The following GRIN2D variants were observed in gnomAD, a reference collection of about 807,000 sequenced individuals.
GRIN2D encodes glutamate receptor ionotropic, NMDA 2D.
In GRIN2D, 37 loss-of-function variants were observed where a neutral mutation model predicts 103.2. The observed-to-expected ratio is 0.36, with a 90% confidence interval of 0.28 to 0.47. GRIN2D has a LOEUF of 0.47. GRIN2D is among the 20% of genes least tolerant of loss of function. GRIN2D has a pLI of 1.00. For synonymous variants in GRIN2D, 845 were observed against 885.6 expected, an observed-to-expected ratio of 0.95 and a Z score of 0.81; for missense variants, 1,557 against 1,910.6, an observed-to-expected ratio of 0.81 and a Z score of 3.45.
Position 48,421,964 on chromosome 19 carries a change from CG to C in GRIN2D, c.2252+24del, listed in dbSNP as rs1569066795. 1.9e-6 allele frequency: 3 copies of C among 1,609,928 alleles called. No homozygotes were observed. Among genetic ancestry groups the C allele is most frequent in the African/African-American group, 2.7e-5 (2 of 74,806 alleles). ...AGGCAGGGTCAGCGCAGACTCGGGCCGGGGGTGGGGGTTGGGCCGCTGGGGA... is the reference window on the plus strand; with the variant it reads ...AGGCAGGGTCAGCGCAGACTCGGGCCGGGGTGGGGGTTGGGCCGCTGGGGA... On this transcript the variant is annotated intron_variant, in intron 11 of 13. Coordinates refer to ENST00000263269, the MANE Select transcript of GRIN2D (RefSeq NM_000836.4). The surrounding 1 kb of genome is among the most constrained non-coding windows in gnomAD (Gnocchi z 4.8).
chr19:48,404,987 G>C lies in GRIN2D; in HGVS notation c.719G>C (p.Ser240Thr). The C allele has an allele frequency of 6.2e-7, 1 of 1,612,362 alleles. No homozygotes were observed. The highest frequency in any genetic ancestry group is 8.5e-7 in the Non-Finnish European group (1 of 1,179,602). Reference sequence around the variant, plus strand: ...CTCAGTGCCCAGCTCCGCAGTGTCAGCGCGCAGATCCGCCTGCTCTTCTGC... The same window carrying C: ...CTCAGTGCCCAGCTCCGCAGTGTCACCGCGCAGATCCGCCTGCTCTTCTGC... ...AVLSAQLRSV[S>T]AQIRLLFCAR... The change falls in exon 4 of 14, where the codon AGC becomes ACC. Residue 240 changes from serine to threonine, a missense_variant. Physicochemically the swap from Ser to Thr is moderately conservative, Grantham distance 58. This residue lies in a region of GRIN2D where 490 missense variants were observed against 601.1 expected (regional missense o/e 0.82). Transcript: ENST00000263269.
intron 11 of GRIN2D, among the ~76,000 whole-genome samples, chr19:48,426,199 T>C (rs1051364661): frequency 8.0e-5 from 12 of 150,646 alleles, no homozygotes; most frequent in African/African-American, 3.0e-4. Flanking sequence ...TTTTCTCTTC[T>C]TTCTTTTTCT....
chr19:48,430,444 C>T (rs2147465272), intron 11 of GRIN2D, among the ~76,000 whole-genome samples: 2 of 151,776 alleles, frequency 1.3e-5, no homozygotes, highest in Non-Finnish European at 2.9e-5. Context: ...AGTGATTGGC[C>T]TGCCTCAGCC....
intron 11 of GRIN2D, among the ~76,000 whole-genome samples, chr19:48,426,220 C>CTTTTTTTTTTTTTTTTTTTTTTTTT (rs1253186603): frequency 9.4e-5 from 12 of 127,112 alleles, no homozygotes; most frequent in African/African-American, 3.1e-4. Flanking sequence ...TTCTTTCTTT[C>CTTTTTTTTTTTTTTTTTTTTTTTTT]TTTCTTTTTT....
chr19:48,441,987 G>C, intron 12 of GRIN2D, 31 bp downstream of exon 12: 2 of 1,582,076 alleles, frequency 1.3e-6, no homozygotes, highest in Non-Finnish European at 1.7e-6. Flanking sequence ...TTCCACAGCG[G>C]AGAGGGGGAG....
chr19:48,430,735 T>C (rs924218909), intron 11 of GRIN2D, among the ~76,000 whole-genome samples: 1 of 152,244 alleles, frequency 6.6e-6, no homozygotes, highest in Admixed American at 6.5e-5. Context: ...ACTGTCTAAA[T>C]CTCTTCTTGG....
Position 48,422,341 on chromosome 19 carries a change from G to A in GRIN2D, c.2252+396G>A, listed in dbSNP as rs375297789. 6.4e-4 allele frequency among the ~76,000 whole-genome samples: 98 copies of A among 152,294 alleles called. 2 individuals are homozygous for A. The South Asian group carries it at 0.018, about 28-fold the overall frequency. On this transcript the variant is annotated intron_variant, in intron 11 of 13. Transcript: ENST00000263269. Reference sequence around the variant, plus strand: ...AGAATTATACTAGTAAGCCGGGCACGGTGGCTCATGCCTGTAATCCCAGCA... The same window carrying A: ...AGAATTATACTAGTAAGCCGGGCACAGTGGCTCATGCCTGTAATCCCAGCA...
intron 11 of GRIN2D, among the ~76,000 whole-genome samples, chr19:48,430,407 C>T (rs1030232991): frequency 1.3e-5 from 2 of 152,182 alleles, no homozygotes; most frequent in African/African-American, 4.8e-5. Flanking sequence ...CCATGTTGGC[C>T]AGGCTGGTCT....
intron 3 of GRIN2D, among the ~76,000 whole-genome samples, chr19:48,401,047 C>T (rs776083592): frequency 4.0e-5 from 6 of 150,054 alleles, no homozygotes; most frequent in Non-Finnish European, 7.4e-5. Context: ...CTTGCCACTG[C>T]ACTCCAGCCT....
chr19:48,442,444 C>G lies in GRIN2D; in HGVS notation c.2673+62C>G, dbSNP rs1971308946. 1.3e-5 allele frequency: 21 copies of G among 1,557,128 alleles called. No individual in the cohort carries two copies. Among genetic ancestry groups the G allele is most frequent in the Non-Finnish European group, 1.7e-5 (20 of 1,145,204 alleles). ...GCAGGGGCGGGGACAAAGGTAAAGCCGAGCAGAGACAAGGAGATGTGGGTC... is the reference window on the plus strand; with the variant it reads ...GCAGGGGCGGGGACAAAGGTAAAGCGGAGCAGAGACAAGGAGATGTGGGTC... On this transcript the variant is annotated intron_variant, in intron 13 of 13. Coordinates refer to ENST00000263269, the MANE Select transcript of GRIN2D (RefSeq NM_000836.4). The surrounding 1 kb of genome is among the most constrained non-coding windows in gnomAD (Gnocchi z 7.2).
At chr19:48,403,706 G>T (rs1315831850) in intron 3 of GRIN2D, among the ~76,000 whole-genome samples, 1 of 152,192 alleles carries the variant, frequency 6.6e-6, no homozygotes, top group African/African-American at 2.4e-5. Context: ...GAAAACCAAA[G>T]AAGGGAAAGG....
rs1429520106 is a variant in GRIN2D at position 48,442,752 on chromosome 19, C to A, written c.2826C>A (p.Arg942=). ...FVPRERASVD[R]WRRTKGAGPP... ...CCCGCGAGCGCGCCTCAGTGGACCG[C>A]TGGCGCCGGACCAAGGGCGCGGGGC... Residue 942 remains arginine, a synonymous_variant, in exon 14 of 14, where the codon CGC becomes CGA. Coordinates refer to ENST00000263269, the MANE Select transcript of GRIN2D (RefSeq NM_000836.4). This position sits in a 1 kb window ranked among gnomAD's most constrained non-coding sequence, Gnocchi z 7.2. The A allele has an allele frequency of 4.6e-6, 5 of 1,087,006 alleles. No homozygotes were observed. Among genetic ancestry groups the A allele is most frequent in the Non-Finnish European group, 2.2e-6 (2 of 895,930 alleles). 67.3% of individuals were successfully genotyped at this position (1,087,006 alleles called of 1,614,324 possible).
chr19:48,401,259 G>A (rs1043088819), intron 3 of GRIN2D, among the ~76,000 whole-genome samples: 15 of 144,590 alleles, frequency 1.0e-4, no homozygotes, highest in African/African-American at 3.7e-4. Context: ...GTTCTAGAGG[G>A]GGGGGGAAAA....
At position 48,442,880 on chromosome 19, in the gene GRIN2D, G is replaced by A; in HGVS notation, c.2954G>A (p.Arg985Gln). Residue 985 changes from arginine to glutamine, a missense_variant, in exon 14 of 14, where the codon CGG (arginine) becomes CAG (glutamine). Transcript: ENST00000263269. This position sits in a 1 kb window ranked among gnomAD's most constrained non-coding sequence, Gnocchi z 7.2. ...CTGGGCGAAGCGCGCGCGGCACCGC[G>A]GGGCGCAGCCGGGCGCCCGCTGTCC... ...LGLGEARAAP[R>Q]GAAGRPLSPP... 2 of 1,087,284 alleles carry A rather than the reference G, an allele frequency of 1.8e-6. No individual in the cohort carries two copies. Among genetic ancestry groups the A allele is most frequent in the South Asian group, 3.8e-5 (1 of 26,280 alleles). 67.4% of individuals were successfully genotyped at this position (1,087,284 alleles called of 1,614,324 possible).
In GRIN2D at chr19:48,408,161, T is replaced by C. The variant is rs941043669; in HGVS notation, c.1085+2808T>C. Among the ~76,000 whole-genome samples the C allele has an allele frequency of 2.6e-5, 4 of 151,826 alleles. No individual in the cohort carries two copies. The East Asian group carries it at 5.9e-4, about 22-fold the overall frequency. On this transcript the variant is annotated intron_variant, in intron 4 of 13. Transcript: ENST00000263269. The stretch of plus-strand genomic sequence containing the variant: ...CATCCTGGCTAACAGGGTGAAACCC[T>C]GTCTCTACTAAAAATACAAAAAATT...
intron 3 of GRIN2D, among the ~76,000 whole-genome samples, chr19:48,399,063 G>A (rs10414278): frequency 2.0e-5 from 3 of 152,216 alleles, no homozygotes; most frequent in Non-Finnish European, 4.4e-5. Flanking sequence ...CTGGTCTATA[G>A]GGTAAGCTGG....
chr19:48,418,033 C>CTTT (rs1362608820), intron 8 of GRIN2D, among the ~76,000 whole-genome samples: 16 of 130,138 alleles, frequency 1.2e-4, no homozygotes, highest in Admixed American at 3.1e-4. Flanking sequence ...CCTGCGAGTT[C>CTTT]TTTTTTTTTT....
At chr19:48,412,875 A>G (rs541010445) in intron 4 of GRIN2D, among the ~76,000 whole-genome samples, 38 of 150,876 alleles carry the variant, frequency 2.5e-4, no homozygotes, top group African/African-American at 7.3e-4. Flanking sequence ...TCATGCCTGT[A>G]ATCCCAACAC....
In GRIN2D at chr19:48,443,740, C is replaced by T; in HGVS notation, c.3814C>T (p.Leu1272Phe). 1 of 1,402,962 alleles carries T rather than the reference C, an allele frequency of 7.1e-7. No individual in the cohort carries two copies. Among genetic ancestry groups the T allele is most frequent in the Non-Finnish European group, 9.2e-7 (1 of 1,081,988 alleles). The allele number at this position is 1,402,962 out of a possible 1,614,324, so 86.9% of individuals were successfully genotyped here. ...GCCGCCCGCGCCCACCTCGCGCTCG[C>T]TCGAGGACCTCAGCTCGTGCCCTCG... ...LPPPAPTSRS[L>F]EDLSSCPRAA... Residue 1272 changes from leucine to phenylalanine, a missense_variant, in exon 14 of 14, where the codon CTC (leucine) becomes TTC (phenylalanine). By Grantham distance (22) the Leu-to-Phe change is conservative (BLOSUM62 0). Coordinates refer to ENST00000263269, the MANE Select transcript of GRIN2D (RefSeq NM_000836.4). This position sits in a 1 kb window ranked among gnomAD's most constrained non-coding sequence, Gnocchi z 8.9.
Sources: allele counts gnomAD v4.1 joint callset (sites outside exome capture counted in the v4.1 genomes callset), GRCh38; gene constraint gnomAD v4.1.1; regional missense constraint gnomAD v4.1.1; non-coding constraint Gnocchi (gnomAD v3.1); transcripts MANE v1.5; gene names NCBI Gene and HGNC (gene_info 2026-07-23, HGNC 2026-07-21).